Variants in MGST1 observed in about 807,000 individuals in gnomAD.
MGST1 encodes the protein glutathione S-transferase 12.
In MGST1, 5 loss-of-function variants were observed where a neutral mutation model predicts 8.9. The observed-to-expected ratio is 0.56, with a 90% confidence interval of 0.29 to 1.19. The LOEUF (loss-of-function observed/expected upper bound fraction) is 1.19, where lower values mean the gene tolerates loss of function less well. Ranked by LOEUF, MGST1 falls within the 50% of genes most tolerant of loss-of-function variation. The pLI, the probability that MGST1 is intolerant of heterozygous loss-of-function variation, is 0.08. For missense variants in MGST1, 182 were observed against 187.4 expected (o/e 0.97, Z 0.17); for synonymous variants, 54 against 67.8 (o/e 0.80, Z 1.00).
At chr12:16,356,308 T>C (rs752204705) in intron 2 of MGST1, among the ~76,000 whole-genome samples, 5 of 152,134 alleles carry the variant, frequency 3.3e-5, no homozygotes, top group Non-Finnish European at 7.4e-5. Flanking sequence ...TTGTAATACA[T>C]TTATTTCTTT....
At position 16,447,644 on chromosome 12, in the gene MGST1, A is replaced by G. The variant is rs75921719; in HGVS notation, n.482+64040A>G. Among the ~76,000 whole-genome samples the G allele has an allele frequency of 3.5e-3, 532 of 152,020 alleles. 3 individuals carry two copies. Among genetic ancestry groups the G allele is most frequent in the African/African-American group, 0.012 (517 of 41,516 alleles). Reference sequence around the variant, plus strand: ...CCAAGCTTGGCATAATAGATTTGACATAGTTAAACATTCTATACACTTTCC... The same window carrying G: ...CCAAGCTTGGCATAATAGATTTGACGTAGTTAAACATTCTATACACTTTCC... On this transcript the variant is annotated intron_variant and non_coding_transcript_variant, in intron 4 of 4. Coordinates refer to the MGST1 transcript ENST00000538857.
At chr12:16,479,335 C>T (rs79822320) in intron 4 of MGST1, among the ~76,000 whole-genome samples, 16 of 145,056 alleles carry the variant, frequency 1.1e-4, no homozygotes, top group Non-Finnish European at 1.9e-4. Flanking sequence ...CCCGGGTTCA[C>T]GCCATTCTCC....
chr12:16,511,885 A>G (rs573595584), intron 4 of MGST1, among the ~76,000 whole-genome samples: 1 of 152,258 alleles, frequency 6.6e-6, no homozygotes, highest in African/African-American at 2.4e-5. Context: ...GAGATCACCA[A>G]TTTCATTTCT....
At chr12:16,532,340 CCT>C (rs1439750611) in intron 4 of MGST1, among the ~76,000 whole-genome samples, 2 of 152,032 alleles carry the variant, frequency 1.3e-5, no homozygotes, top group Non-Finnish European at 2.9e-5. Context: ...TGTTTCATTC[CCT>C]CTGAGTCTCT....
intron 4 of MGST1, chr12:16,573,756 G>C (rs751728552): frequency 2.0e-5 from 3 of 152,136 alleles, no homozygotes; most frequent in African/African-American, 4.8e-5. Context: ...AAACAAGGCC[G>C]TTACACAAGG....
At chr12:16,534,636 C>T (rs569462256) in intron 4 of MGST1, among the ~76,000 whole-genome samples, 200 of 152,102 alleles carry the variant, frequency 1.3e-3, no homozygotes, top group African/African-American at 3.9e-3. Context: ...TTTTTAATCC[C>T]GGAAATAGAC....
At chr12:16,394,417 A>C (rs1358825279) in intron 1 of MGST1, among the ~76,000 whole-genome samples, 5 of 73,010 alleles carry the variant, frequency 6.8e-5, no homozygotes, top group Non-Finnish European at 9.0e-5. Flanking sequence ...TTTCTTTCTC[A>C]CTCTCTTCCT....
Position 16,560,375 on chromosome 12 carries a change from T to G in MGST1, n.483-29153T>G. ...TAAATAAATAGCCAGCACAGAGAGG[T>G]TAACCATTTCTTAGAGACCAAAAAG... On this transcript the variant is annotated intron_variant and non_coding_transcript_variant, in intron 4 of 4. Coordinates refer to the MGST1 transcript ENST00000538857. The surrounding 1 kb of genome is among the most constrained non-coding windows in gnomAD (Gnocchi z 5.0). 6.2e-7 allele frequency: 1 copy of G among 1,600,474 alleles called. No homozygotes were observed. Among genetic ancestry groups the G allele is most frequent in the Non-Finnish European group, 8.5e-7 (1 of 1,173,878 alleles).
At chr12:16,484,361 CT>C (rs1352433774) in intron 4 of MGST1, among the ~76,000 whole-genome samples, 2 of 152,260 alleles carry the variant, frequency 1.3e-5, no homozygotes, top group Admixed American at 1.3e-4. Context: ...GCTTGGAGGG[CT>C]TTGGAAATTT....
intron 4 of MGST1, among the ~76,000 whole-genome samples, chr12:16,557,582 T>C (rs1341192965): frequency 6.6e-6 from 1 of 152,104 alleles, no homozygotes; most frequent in Non-Finnish European, 1.5e-5. Flanking sequence ...CATTTGTTTT[T>C]ATACAATCTG....
At chr12:16,475,781 C>T (rs1425249153) in intron 4 of MGST1, among the ~76,000 whole-genome samples, 1 of 152,092 alleles carries the variant, frequency 6.6e-6, no homozygotes, top group African/African-American at 2.4e-5. Context: ...CTGTTGCACT[C>T]CCTTCCCAGG....
intron 4 of MGST1, among the ~76,000 whole-genome samples, chr12:16,565,979 G>A (rs1292340872): frequency 1.3e-5 from 1 of 79,912 alleles, no homozygotes; most frequent in East Asian, 5.3e-4. Flanking sequence ...TGAAGAAAAT[G>A]TGCCATATAT....
chr12:16,377,887 T>C (rs1940406042), downstream of MGST1, among the ~76,000 whole-genome samples: 2 of 151,248 alleles, frequency 1.3e-5, no homozygotes, highest in African/African-American at 4.9e-5. Flanking sequence ...TGCATTTCTC[T>C]GATGGCCAGT....
chr12:16,455,155 A>G (rs752071741), intron 4 of MGST1, among the ~76,000 whole-genome samples: 8 of 151,972 alleles, frequency 5.3e-5, no homozygotes, highest in Non-Finnish European at 1.0e-4. Flanking sequence ...AAGTCTATCA[A>G]ATATGCCTAG....
intron 4 of MGST1, among the ~76,000 whole-genome samples, chr12:16,454,813 T>G (rs1480520387): frequency 7.3e-6 from 1 of 136,548 alleles, no homozygotes; most frequent in African/African-American, 2.8e-5. Flanking sequence ...GCATCAAAAC[T>G]GAACTGTCAA....
intron 1 of MGST1, chr12:16,399,546 C>A (rs554069003): frequency 4.5e-6 from 7 of 1,556,052 alleles, no homozygotes; most frequent in Admixed American, 3.3e-5. Context: ...ATCTTCATCA[C>A]TGTCCTCCTC....
intron 1 of MGST1, among the ~76,000 whole-genome samples, chr12:16,351,417 GA>G (rs1439520498): frequency 3.3e-5 from 5 of 152,174 alleles, no homozygotes; most frequent in African/African-American, 1.2e-4. Flanking sequence ...GAGACTTATG[GA>G]GGTTGATTAA....
chr12:16,481,766 G>T (rs948021948), intron 4 of MGST1, among the ~76,000 whole-genome samples: 8 of 151,956 alleles, frequency 5.3e-5, no homozygotes, highest in Admixed American at 2.0e-4. Flanking sequence ...GAGTGAGATG[G>T]GCTAAAATAA....
chr12:16,475,026 A>G (rs924473568), intron 4 of MGST1, among the ~76,000 whole-genome samples: 1 of 152,182 alleles, frequency 6.6e-6, no homozygotes, highest in African/African-American at 2.4e-5. Flanking sequence ...GAGAGTCTAA[A>G]TTTGTAACTC....
Sources: gnomAD v4.1 joint callset for allele counts (sites outside exome capture counted in the v4.1 genomes callset) on GRCh38, gnomAD v4.1.1 for gene constraint, Gnocchi (gnomAD v3.1) non-coding constraint, MANE v1.5 for transcripts, NCBI Gene and HGNC (gene_info 2026-07-23, HGNC 2026-07-21) for gene names.